Variants in GRM5 observed in about 807,000 individuals in gnomAD.
GRM5 encodes metabotropic glutamate receptor 5.
In GRM5, 19 loss-of-function variants were observed where a neutral mutation model predicts 83.1. The ratio of observed to expected loss-of-function variants is 0.23; its 90% confidence interval spans 0.16 to 0.34. The LOEUF is 0.34. Among genes scored for constraint, GRM5 ranks in the 10% least tolerant of loss-of-function variants. The probability of loss-of-function intolerance (pLI) is 1.00; values close to 1 mark genes in which losing one functional copy is unlikely to be tolerated. For missense variants in GRM5, 1,160 were observed against 1,588.3 expected (o/e 0.73, Z 4.58); for synonymous variants, 675 against 633.6 (o/e 1.07, Z -0.98).
At chr11:88,523,470 A>AG (rs1237825937) in intron 9 of GRM5, among the ~76,000 whole-genome samples, 1 of 152,162 alleles carries the variant, frequency 6.6e-6, no homozygotes, top group Non-Finnish European at 1.5e-5. Context: ...GTTATATCTA[A>AG]GTGGAAGGAA....
At chr11:88,772,274 T>C (rs1363575878) in intron 3 of GRM5, among the ~76,000 whole-genome samples, 2 of 152,160 alleles carry the variant, frequency 1.3e-5, no homozygotes, top group Middle Eastern at 3.4e-3. Flanking sequence ...AAAATGTGGG[T>C]TCACTCCTCT....
intron 2 of GRM5, among the ~76,000 whole-genome samples, chr11:88,903,192 A>C (rs1436761178): frequency 2.6e-5 from 4 of 152,042 alleles, no homozygotes; most frequent in Non-Finnish European, 4.4e-5. Context: ...TTCTGTCATC[A>C]TCAAAGAAAA....
chr11:89,022,765 C>A (rs939274017), intron 2 of GRM5, among the ~76,000 whole-genome samples: 4 of 152,058 alleles, frequency 2.6e-5, no homozygotes, highest in Non-Finnish European at 4.4e-5. Flanking sequence ...AATAGAACTG[C>A]AATAAACGAC....
intron 3 of GRM5, among the ~76,000 whole-genome samples, chr11:88,845,320 G>GTT (rs1565258498): frequency 3.4e-5 from 3 of 88,878 alleles, no homozygotes; most frequent in African/African-American, 1.5e-4. Flanking sequence ...ATGATCACTT[G>GTT]CTTTTTTTTT....
intron 4 of GRM5, among the ~76,000 whole-genome samples, chr11:88,624,582 C>A (rs1032832051): frequency 4.6e-5 from 7 of 152,156 alleles, no homozygotes; most frequent in African/African-American, 1.7e-4. Context: ...TTTGGGGGAC[C>A]AAGACGGGAG....
intron 2 of GRM5, among the ~76,000 whole-genome samples, chr11:89,005,962 C>T (rs1172571984): frequency 1.3e-5 from 2 of 152,004 alleles, no homozygotes; most frequent in Non-Finnish European, 2.9e-5. Flanking sequence ...ACAAAATGTG[C>T]TATGAAAGCA....
intron 3 of GRM5, among the ~76,000 whole-genome samples, chr11:88,668,242 T>C (rs1449091082): frequency 1.1e-5 from 1 of 88,324 alleles, no homozygotes; most frequent in South Asian, 3.5e-4. Flanking sequence ...AAAGACAGAA[T>C]AATTTTATAT....
chr11:88,981,973 A>G (rs567561194), intron 2 of GRM5, among the ~76,000 whole-genome samples: 64 of 152,344 alleles, frequency 4.2e-4, no homozygotes, highest in Non-Finnish European at 7.8e-4. Flanking sequence ...GTATTCCTAC[A>G]ATGCAAGATA....
intron 3 of GRM5, among the ~76,000 whole-genome samples, chr11:88,787,097 GATATCTTTATTTAAAA>G (rs1943085453): frequency 6.6e-6 from 1 of 151,020 alleles, no homozygotes; most frequent in African/African-American, 2.4e-5. Context: ...AAAACAAGCA[GATATCTTTATTTAAAA>G]ATATGATATA....
intron 3 of GRM5, among the ~76,000 whole-genome samples, chr11:88,790,300 T>A (rs1018388329): frequency 6.6e-6 from 1 of 152,248 alleles, no homozygotes; most frequent in Non-Finnish European, 1.5e-5. Context: ...CATCACACAC[T>A]GCACAGTGTT....
At chr11:88,675,338 G>A (rs943026558) in intron 3 of GRM5, among the ~76,000 whole-genome samples, 2 of 151,878 alleles carry the variant, frequency 1.3e-5, no homozygotes, top group East Asian at 1.9e-4. Context: ...TTAATATTGA[G>A]TAAATGGACG....
At chr11:88,964,134 A>C (rs2134990529) in intron 2 of GRM5, among the ~76,000 whole-genome samples, 1 of 152,232 alleles carries the variant, frequency 6.6e-6, no homozygotes, top group Admixed American at 6.5e-5. Context: ...TGATTTTGTA[A>C]CTTAGGTTGA....
At chr11:88,565,976 A>G (rs945202469) in intron 8 of GRM5, among the ~76,000 whole-genome samples, 5 of 152,350 alleles carry the variant, frequency 3.3e-5, no homozygotes, top group African/African-American at 9.6e-5. Context: ...TAGGGCTGAC[A>G]GAAAAGTAGG....
intron 2 of GRM5, among the ~76,000 whole-genome samples, chr11:88,958,899 T>C (rs1339611282): frequency 6.6e-6 from 1 of 152,176 alleles, no homozygotes; most frequent in East Asian, 1.9e-4. Flanking sequence ...GGTGGCATTT[T>C]TAGTGTGAAG....
chr11:88,696,125 G>C (rs566946046), intron 3 of GRM5, among the ~76,000 whole-genome samples: 2 of 152,320 alleles, frequency 1.3e-5, no homozygotes, highest in East Asian at 1.9e-4. Flanking sequence ...GGGGAGGCCA[G>C]AAGGGGGATG....
intron 2 of GRM5, among the ~76,000 whole-genome samples, chr11:89,003,188 T>C (rs1009751161): frequency 2.6e-5 from 4 of 152,184 alleles, no homozygotes; most frequent in African/African-American, 4.8e-5. Context: ...AACTACATGC[T>C]ACACAACCCT....
At chr11:88,972,974 C>G (rs1449639744) in intron 2 of GRM5, among the ~76,000 whole-genome samples, 1 of 151,948 alleles carries the variant, frequency 6.6e-6, no homozygotes, top group Non-Finnish European at 1.5e-5. Flanking sequence ...ACATTCTACA[C>G]AGTAACTAGG....
intron 3 of GRM5, among the ~76,000 whole-genome samples, chr11:88,681,674 G>A (rs1192868233): frequency 2.1e-5 from 3 of 140,502 alleles, no homozygotes; most frequent in South Asian, 2.3e-4. Flanking sequence ...GGGTTCAAAC[G>A]ATTCTCCTAC....
intron 3 of GRM5, among the ~76,000 whole-genome samples, chr11:88,717,729 A>T (rs2135391003): frequency 1.3e-5 from 2 of 151,954 alleles, no homozygotes; most frequent in East Asian, 3.9e-4. Context: ...CATATCAAGG[A>T]AATGTATATA....
Sources: gnomAD v4.1 joint callset for allele counts (sites outside exome capture counted in the v4.1 genomes callset) on GRCh38, gnomAD v4.1.1 for gene constraint, MANE v1.5 for transcripts, NCBI Gene and HGNC (gene_info 2026-07-23, HGNC 2026-07-21) for gene names.